Variants in MICAL2 observed in about 807,000 individuals in gnomAD.
MICAL2 encodes microtubule associated monooxygenase, calponin and LIM domain containing 2.
In MICAL2, 77 loss-of-function variants were observed where a neutral mutation model predicts 127.3. That is an observed-to-expected ratio of 0.60 (90% CI 0.50 to 0.73). MICAL2 has a LOEUF of 0.73. Ranked by LOEUF, MICAL2 falls within the 30% of genes least tolerant of loss-of-function variation. The pLI, the probability that MICAL2 is intolerant of heterozygous loss-of-function variation, is 0.00. For missense variants in MICAL2, 1,351 were observed against 1,434.4 expected (o/e 0.94, Z 0.94); for synonymous variants, 570 against 551.1 (o/e 1.03, Z -0.48).
chr11:12,297,692 A>G (rs933359281), intron 29 of MICAL2, among the ~76,000 whole-genome samples: 3 of 152,012 alleles, frequency 2.0e-5, no homozygotes, highest in Admixed American at 6.5e-5. Context: ...AAATTATCCT[A>G]GTATAAAATG....
chr11:12,118,596 T>A (rs1850241558), intron 1 of MICAL2, among the ~76,000 whole-genome samples: 1 of 152,158 alleles, frequency 6.6e-6, no homozygotes, highest in Non-Finnish European at 1.5e-5. Flanking sequence ...TGTGTTCGAT[T>A]TGGGGGTTCA....
At chr11:12,234,302 CAA>C (rs35320196) in intron 15 of MICAL2, among the ~76,000 whole-genome samples, 2 of 136,332 alleles carry the variant, frequency 1.5e-5, no homozygotes, top group Non-Finnish European at 1.6e-5. Context: ...AGGTAGAAAC[CAA>C]AAAAAAAAAA....
chr11:12,300,940 T>C (rs778353008), intron 29 of MICAL2, among the ~76,000 whole-genome samples: 4 of 152,194 alleles, frequency 2.6e-5, no homozygotes, highest in Non-Finnish European at 5.9e-5. Flanking sequence ...CATTCTGTAT[T>C]AGTCCGTTTT....
At chr11:12,275,315 G>A (rs1350759060), upstream of MICAL2, among the ~76,000 whole-genome samples, 1 of 152,204 alleles carries the variant, frequency 6.6e-6, no homozygotes, top group African/African-American at 2.4e-5. Context: ...AATCAGGAAT[G>A]TCCAGGCTGG....
intron 29 of MICAL2, among the ~76,000 whole-genome samples, chr11:12,312,962 C>T (rs557834786): frequency 9.3e-4 from 142 of 151,992 alleles, no homozygotes; most frequent in South Asian, 5.2e-3. Context: ...GTCAGGAGAT[C>T]GAGACCATTC....
intron 3 of MICAL2, chr11:12,163,888 A>G (rs1223070450): frequency 6.6e-6 from 1 of 151,956 alleles, no homozygotes; most frequent in African/African-American, 2.4e-5. Context: ...TTTTTTTTAA[A>G]GGTCCCATAA....
In MICAL2 at chr11:12,169,989, C is replaced by A. The variant is rs368960136; in HGVS notation, c.264+7570C>A. Among the ~76,000 whole-genome samples, 4 of 152,168 alleles carry A rather than the reference C, an allele frequency of 2.6e-5. No individual in the cohort carries two copies. In the East Asian group the frequency reaches 7.7e-4, roughly 29 times the overall value. The stretch of plus-strand genomic sequence containing the variant: ...GATAGACACCCTCTGAGTCCTGCAG[C>A]CTGGACTAGGTGACCTTGAATGGGG... On this transcript the variant is annotated intron_variant, in intron 3 of 27. Coordinates refer to ENST00000683283, the MANE Select transcript of MICAL2 (RefSeq NM_001282663.2).
chr11:12,227,355 A>G (rs1857612900), intron 15 of MICAL2, among the ~76,000 whole-genome samples: 1 of 152,248 alleles, frequency 6.6e-6, no homozygotes, highest in Non-Finnish European at 1.5e-5. Flanking sequence ...TAGGAAGGAC[A>G]TGGTAGCGAG....
chr11:12,181,393 G>A (rs1270849737), intron 3 of MICAL2, among the ~76,000 whole-genome samples: 2 of 152,176 alleles, frequency 1.3e-5, no homozygotes, highest in Admixed American at 6.5e-5. Flanking sequence ...TGAATCTGAT[G>A]GATTTAGTAG....
At chr11:12,351,274 C>T (rs1939040378) in intron 33 of MICAL2, among the ~76,000 whole-genome samples, 5 of 152,164 alleles carry the variant, frequency 3.3e-5, no homozygotes, top group Admixed American at 2.0e-4. Flanking sequence ...AGGTAGTAGA[C>T]TCACCTGCTC....
intron 3 of MICAL2, among the ~76,000 whole-genome samples, chr11:12,167,671 A>C (rs1005172324): frequency 6.6e-6 from 1 of 152,164 alleles, no homozygotes; most frequent in African/African-American, 2.4e-5. Context: ...ACTCTGTGCG[A>C]GTTGAAGAAA....
At chr11:12,298,664 C>T (rs996381958) in intron 29 of MICAL2, among the ~76,000 whole-genome samples, 1 of 152,098 alleles carries the variant, frequency 6.6e-6, no homozygotes, top group Non-Finnish European at 1.5e-5. Flanking sequence ...AGGAAATAGC[C>T]ATCTAGTTCT....
intron 1 of MICAL2, among the ~76,000 whole-genome samples, chr11:12,114,177 T>G (rs1849818127): frequency 6.6e-6 from 1 of 152,208 alleles, no homozygotes. Context: ...CTCTCTCTCT[T>G]TTTCTCCCTT....
chr11:12,303,671 CT>C (rs1864075226), intron 29 of MICAL2: 1 of 152,194 alleles, frequency 6.6e-6, no homozygotes, highest in African/African-American at 2.4e-5. Context: ...TTTAGATATT[CT>C]TCTGTCAGAA....
intron 3 of MICAL2, among the ~76,000 whole-genome samples, chr11:12,169,857 A>T (rs931704264): frequency 6.6e-6 from 1 of 152,186 alleles, no homozygotes; most frequent in South Asian, 2.1e-4. Flanking sequence ...TGGAGTGGAT[A>T]CTCCCACCAA....
intron 32 of MICAL2, among the ~76,000 whole-genome samples, chr11:12,349,382 C>T (rs1424822503): frequency 6.6e-6 from 1 of 152,142 alleles, no homozygotes; most frequent in African/African-American, 2.4e-5. Flanking sequence ...GTGGCATGAG[C>T]TTCCCTGCCC....
At chr11:12,278,155 G>A (rs1248215216) in intron 1 of MICAL2, among the ~76,000 whole-genome samples, 5 of 152,156 alleles carry the variant, frequency 3.3e-5, no homozygotes, top group Admixed American at 6.5e-5. Flanking sequence ...TTATCACACT[G>A]TGCACTTAGG....
chr11:12,126,675 G>T (rs968478364), intron 1 of MICAL2, among the ~76,000 whole-genome samples: 1 of 149,788 alleles, frequency 6.7e-6, no homozygotes, highest in African/African-American at 2.5e-5. Flanking sequence ...AGTATTTACA[G>T]TGGGCTTGGG....
chr11:12,188,886 AC>A (rs1207772525), intron 3 of MICAL2, among the ~76,000 whole-genome samples: 1 of 152,156 alleles, frequency 6.6e-6, no homozygotes, highest in Non-Finnish European at 1.5e-5. Context: ...AATTTGTGTC[AC>A]TATGCGGACT....
Sources: gnomAD v4.1 joint callset for allele counts (sites outside exome capture counted in the v4.1 genomes callset) on GRCh38, gnomAD v4.1.1 for gene constraint, MANE v1.5 for transcripts, NCBI Gene and HGNC (gene_info 2026-07-23, HGNC 2026-07-21) for gene names.